Variants in JARID2 observed in about 807,000 individuals in gnomAD.
JARID2 encodes the protein jumonji and AT-rich interaction domain containing 2, also known as protein Jumonji.
In JARID2, 21 loss-of-function variants were observed where a neutral mutation model predicts 125.6. The observed-to-expected ratio is 0.17, with a 90% CI of 0.12 to 0.24. JARID2 has a LOEUF of 0.24. Among genes scored for constraint, JARID2 ranks in the 10% least tolerant of loss-of-function variants. The pLI is 1.00. For missense variants in JARID2, 1,303 were observed against 1,639.6 expected, an observed-to-expected ratio of 0.79 and a Z score of 3.55; for synonymous variants, 736 against 661.6, an observed-to-expected ratio of 1.11 and a Z score of -1.73.
intron 1 of JARID2, among the ~76,000 whole-genome samples, chr6:15,309,277 C>T (rs904348380): frequency 2.0e-5 from 3 of 152,038 alleles, no homozygotes; most frequent in African/African-American, 7.2e-5. Context: ...TTTCAGGTGC[C>T]TCATTATTCT....
In JARID2 at chr6:15,447,117, G is replaced by A. The variant is rs571017530; in HGVS notation, c.324-4889G>A. On this transcript the variant is annotated intron_variant, in intron 3 of 17. Coordinates refer to ENST00000341776, the MANE Select transcript of JARID2 (RefSeq NM_004973.4). Reference sequence around the variant, plus strand: ...TTGTAGTCTTTTAATTCACATACACGCCCCAGTGATGATCTGATCTGAAAC... The same window carrying A: ...TTGTAGTCTTTTAATTCACATACACACCCCAGTGATGATCTGATCTGAAAC... 3.9e-5 allele frequency among the ~76,000 whole-genome samples: 6 copies of A among 152,122 alleles called. No individual in the cohort carries two copies. The East Asian group carries it at 7.7e-4, about 20-fold the overall frequency.
At chr6:15,278,977 T>C (rs1369393673) in intron 1 of JARID2, among the ~76,000 whole-genome samples, 1 of 151,538 alleles carries the variant, frequency 6.6e-6, no homozygotes, top group Non-Finnish European at 1.5e-5. Context: ...GGCATGAGAA[T>C]CTCAAGCTCA....
chr6:15,353,411 C>T (rs1763494749), intron 1 of JARID2, among the ~76,000 whole-genome samples: 1 of 152,178 alleles, frequency 6.6e-6, no homozygotes, highest in Non-Finnish European at 1.5e-5. Context: ...TCATATCTTA[C>T]TTAAATTTCT....
chr6:15,340,175 TG>T (rs1237039749), intron 1 of JARID2, among the ~76,000 whole-genome samples: 1 of 152,158 alleles, frequency 6.6e-6, no homozygotes, highest in African/African-American at 2.4e-5. Flanking sequence ...CATGTTCTAA[TG>T]GGCTGTGTCT....
chr6:15,304,250 C>G (rs1266129133), intron 1 of JARID2, among the ~76,000 whole-genome samples: 1 of 145,936 alleles, frequency 6.9e-6, no homozygotes, highest in Admixed American at 7.1e-5. Context: ...CCTCCTTTTG[C>G]TCCTTTTCCT....
chr6:15,400,944 T>C, intron 2 of JARID2: 1 of 1,289,492 alleles, frequency 7.8e-7, no homozygotes, highest in South Asian at 1.2e-5. Flanking sequence ...ATGATCCGGC[T>C]CTGAGGATGG....
chr6:15,270,659 T>C (rs1207857111), intron 1 of JARID2, among the ~76,000 whole-genome samples: 1 of 152,202 alleles, frequency 6.6e-6, no homozygotes, highest in African/African-American at 2.4e-5. Flanking sequence ...TTGAAAAAGC[T>C]GACCAGAGGC....
At chr6:15,467,669 C>T (rs1443734935) in intron 4 of JARID2, among the ~76,000 whole-genome samples, 1 of 152,086 alleles carries the variant, frequency 6.6e-6, no homozygotes, top group Admixed American at 6.5e-5. Context: ...TAGCAAGACT[C>T]CATCTCCCCA....
rs78132917 is a variant in JARID2, at chr6:15,258,369, C to T, written c.45+11785C>T. Among the ~76,000 whole-genome samples, 461 of 152,306 alleles carry T rather than the reference C, an allele frequency of 3.0e-3. 13 individuals are homozygous for T. In the East Asian group the frequency reaches 0.08, roughly 27 times the overall value. On this transcript the variant is annotated intron_variant, in intron 1 of 17. Coordinates refer to ENST00000341776, the MANE Select transcript of JARID2 (RefSeq NM_004973.4). ...CTCTGTCATCTTGGGTAGATCACTT[C>T]ACCTCTCCAGGTCTCAGTTTCTTCA...
At chr6:15,343,210 CAAGAACG>C (rs1383982155) in intron 1 of JARID2, among the ~76,000 whole-genome samples, 3 of 90,214 alleles carry the variant, frequency 3.3e-5, no homozygotes, top group Non-Finnish European at 6.0e-5. Context: ...GCCTGGGCGA[CAAGAACG>C]AAACTCCGTC....
At chr6:15,356,441 C>T (rs1282661966) in intron 1 of JARID2, among the ~76,000 whole-genome samples, 2 of 152,102 alleles carry the variant, frequency 1.3e-5, no homozygotes, top group East Asian at 3.9e-4. Flanking sequence ...TTATTATAGT[C>T]ATTCTAGTGG....
chr6:15,434,094 G>T (rs7767966), intron 3 of JARID2, among the ~76,000 whole-genome samples: 20,754 of 151,838 alleles, frequency 0.14, 1,582 homozygotes, highest in African/African-American at 0.18. Context: ...GTAAAACACA[G>T]GTACCTCCGT....
chr6:15,327,987 C>T lies in JARID2; in HGVS notation c.46-46130C>T, dbSNP rs572435784. 3.9e-5 allele frequency among the ~76,000 whole-genome samples: 6 copies of T among 152,266 alleles called. No homozygotes were observed. The East Asian group carries it at 1.2e-3, about 29-fold the overall frequency. On this transcript the variant is annotated intron_variant, in intron 1 of 17. Coordinates refer to ENST00000341776, the MANE Select transcript of JARID2 (RefSeq NM_004973.4). ...TTGTTTGTTTTCAGAGAACCCCTACCATCCCCAGCCTAGCCACCTTTGATT... is the reference window on the plus strand; with the variant it reads ...TTGTTTGTTTTCAGAGAACCCCTACTATCCCCAGCCTAGCCACCTTTGATT...
chr6:15,460,637 T>A (rs1436734943), intron 4 of JARID2, among the ~76,000 whole-genome samples: 3 of 152,202 alleles, frequency 2.0e-5, no homozygotes, highest in African/African-American at 7.2e-5. Flanking sequence ...CTCACATGAT[T>A]CGCACAAAGA....
In JARID2 at chr6:15,520,552, T is replaced by TG; in HGVS notation, c.*302dup. The TG allele has an allele frequency of 3.0e-6, 1 of 334,448 alleles. No homozygotes were observed. Among genetic ancestry groups the TG allele is most frequent in the South Asian group, 3.0e-5 (1 of 33,436 alleles). 20.7% of individuals were successfully genotyped at this position (334,448 alleles called of 1,614,324 possible). A position where few individuals can be genotyped will look rare whatever the true frequency, so the allele number is the denominator to read the frequency against. On this transcript the variant is annotated 3_prime_UTR_variant, in exon 18 of 18. Transcript: ENST00000341776. ...TGACAAAAGCCTTTTTTTTTGGTTTTGATTTTTTTTTTTTTGTAACTGTTG... is the reference window on the plus strand; with the variant it reads ...TGACAAAAGCCTTTTTTTTTGGTTTTGGATTTTTTTTTTTTTGTAACTGTTG...
intron 1 of JARID2, among the ~76,000 whole-genome samples, chr6:15,262,125 AG>A (rs544836976): frequency 6.0e-5 from 9 of 150,110 alleles, no homozygotes; most frequent in Non-Finnish European, 1.3e-4. Context: ...GACATGGAAA[AG>A]GTATGTATAA....
At chr6:15,433,990 G>GAGT (rs1485564090) in intron 3 of JARID2, among the ~76,000 whole-genome samples, 2 of 150,128 alleles carry the variant, frequency 1.3e-5, no homozygotes, top group Non-Finnish European at 3.0e-5. Context: ...GAATAGGGTT[G>GAGT]AGAATATGTA....
At chr6:15,349,914 C>T (rs1169875009) in intron 1 of JARID2, among the ~76,000 whole-genome samples, 1 of 152,088 alleles carries the variant, frequency 6.6e-6, no homozygotes, top group South Asian at 2.1e-4. Flanking sequence ...AGTTTATTCT[C>T]AGGCTATGAT....
chr6:15,416,720 A>AGGGGGGAGAGGGAGAGGGAGAGGGAG (rs1766243647), intron 3 of JARID2, among the ~76,000 whole-genome samples: 4 of 86,022 alleles, frequency 4.6e-5, no homozygotes, highest in African/African-American at 1.9e-4. Flanking sequence ...GGAGAGGGAG[A>AGGGGGGAGAGGGAGAGGGAGAGGGAG]GGGGGGAGAG....
Sources: allele counts gnomAD v4.1 joint callset (sites outside exome capture counted in the v4.1 genomes callset), GRCh38; gene constraint gnomAD v4.1.1; transcripts MANE v1.5; gene names NCBI Gene and HGNC (gene_info 2026-07-23, HGNC 2026-07-21).